Variants in SCAPER observed in about 807,000 individuals in gnomAD.
The protein encoded by SCAPER is S-phase cyclin A associated protein in the ER, also known as S phase cyclin A-associated protein in the endoplasmic reticulum.
In SCAPER, 98 loss-of-function variants were observed where a neutral mutation model predicts 182.2. That is an observed-to-expected ratio of 0.54 (90% CI 0.46 to 0.64). The LOEUF (loss-of-function observed/expected upper bound fraction) is 0.64. Ranked by LOEUF, SCAPER falls within the 30% of genes least tolerant of loss-of-function variation. The probability of loss-of-function intolerance (pLI) is 0.00; values close to 1 mark genes in which losing one functional copy is unlikely to be tolerated. For missense variants in SCAPER, 1,432 were observed against 1,690.0 expected (o/e 0.85, Z 2.68); for synonymous variants, 605 against 564.6 (o/e 1.07, Z -1.01).
chr15:76,393,179 T>C (rs538346231), intron 27 of SCAPER, among the ~76,000 whole-genome samples: 1 of 152,344 alleles, frequency 6.6e-6, no homozygotes, highest in South Asian at 2.1e-4. Flanking sequence ...TGCTTCTGTA[T>C]TCTTCCCATT....
chr15:76,832,224 G>A (rs554536881), intron 5 of SCAPER, among the ~76,000 whole-genome samples: 26 of 152,244 alleles, frequency 1.7e-4, no homozygotes, highest in Admixed American at 1.6e-3. Flanking sequence ...GAAAACCAAC[G>A]CAAGGTAAAC....
At chr15:76,377,352 TG>T (rs1404250060) in intron 28 of SCAPER, among the ~76,000 whole-genome samples, 1 of 151,828 alleles carries the variant, frequency 6.6e-6, no homozygotes, top group Non-Finnish European at 1.5e-5. Context: ...AGAAGGACTT[TG>T]CTCCTTTAAA....
At chr15:76,830,812 T>C (rs2068402819) in intron 5 of SCAPER, among the ~76,000 whole-genome samples, 1 of 150,096 alleles carries the variant, frequency 6.7e-6, no homozygotes. Context: ...TCAAGTAGAC[T>C]GGCACACTCC....
At chr15:76,447,616 A>T (rs2048088218) in intron 25 of SCAPER, among the ~76,000 whole-genome samples, 1 of 152,218 alleles carries the variant, frequency 6.6e-6, no homozygotes, top group Admixed American at 6.5e-5. Flanking sequence ...TGAGGTCACA[A>T]ACTCATTTTG....
chr15:76,686,463 T>C (rs1190901340), intron 20 of SCAPER, among the ~76,000 whole-genome samples: 1 of 151,974 alleles, frequency 6.6e-6, no homozygotes. Context: ...CTGGTAAGAG[T>C]GCAAATTGGT....
intron 22 of SCAPER, among the ~76,000 whole-genome samples, chr15:76,577,305 G>C (rs953798181): frequency 1.3e-5 from 2 of 152,056 alleles, no homozygotes; most frequent in African/African-American, 4.8e-5. Context: ...AAATTAGCTG[G>C]GTGTGGTGGC....
intron 21 of SCAPER, among the ~76,000 whole-genome samples, chr15:76,626,160 T>C (rs2052554052): frequency 1.3e-5 from 2 of 152,172 alleles, no homozygotes; most frequent in Admixed American, 6.5e-5. Context: ...CCAATATTCT[T>C]AGATGATCTG....
chr15:76,813,320 G>A (rs1469989608), intron 5 of SCAPER, among the ~76,000 whole-genome samples: 6 of 139,216 alleles, frequency 4.3e-5, no homozygotes, highest in Admixed American at 7.2e-5. Context: ...TATGAAAAAC[G>A]AACAGCTAAC....
intron 25 of SCAPER, among the ~76,000 whole-genome samples, chr15:76,435,025 C>T (rs1311871363): frequency 6.6e-6 from 1 of 152,174 alleles, no homozygotes; most frequent in Non-Finnish European, 1.5e-5. Flanking sequence ...TTGGTGACAA[C>T]CAGCCTTTGC....
chr15:76,487,717 T>C (rs1194880635), intron 24 of SCAPER, among the ~76,000 whole-genome samples: 2 of 152,166 alleles, frequency 1.3e-5, no homozygotes, highest in East Asian at 1.9e-4. Context: ...ACCTCTAGGA[T>C]TTAGATATAT....
chr15:76,518,880 T>C (rs191890469), intron 23 of SCAPER, among the ~76,000 whole-genome samples: 1 of 152,366 alleles, frequency 6.6e-6, no homozygotes, highest in East Asian at 1.9e-4. Context: ...TTTCAGAATA[T>C]CTGTTCTTCT....
intron 17 of SCAPER, among the ~76,000 whole-genome samples, chr15:76,716,974 C>T (rs280006): frequency 0.88 from 133,898 of 151,960 alleles, 59,500 homozygotes; most frequent in East Asian, 0.96. Flanking sequence ...CCAAGGTACA[C>T]TATAATCAAA....
In SCAPER at chr15:76,765,370, A is replaced by G; in HGVS notation, c.1580T>C (p.Met527Thr). Residue 527 changes from methionine to threonine, a missense_variant, in exon 13 of 32, where the codon ATG becomes ACG. Around this residue, in one of 5 missense-constraint regions of SCAPER, gnomAD observed 128 missense variants for 149.9 expected, o/e 0.85. Coordinates refer to ENST00000563290, the MANE Select transcript of SCAPER (RefSeq NM_020843.4). ...AGAGGGTGAAGAAAGTTTTTCATGCATGTGAATTCCATGCCCTGGAGGTCT... is the reference window on the plus strand; with the variant it reads ...AGAGGGTGAAGAAAGTTTTTCATGCGTGTGAATTCCATGCCCTGGAGGTCT... ...PARPPGHGIH[M>T]HEKLSSPSRK... 1 of 1,613,564 alleles carries G rather than the reference A, an allele frequency of 6.2e-7. No homozygotes were observed. The highest frequency in any genetic ancestry group is 8.5e-7 in the Non-Finnish European group (1 of 1,179,740).
chr15:76,696,008 A>T (rs1213609991), intron 20 of SCAPER, among the ~76,000 whole-genome samples: 1 of 152,238 alleles, frequency 6.6e-6, no homozygotes, highest in Non-Finnish European at 1.5e-5. Flanking sequence ...ATTTTAAATT[A>T]CTTCTAGTTT....
intron 8 of SCAPER, among the ~76,000 whole-genome samples, chr15:76,790,104 G>A (rs1424504331): frequency 4.6e-5 from 7 of 151,972 alleles, no homozygotes; most frequent in East Asian, 1.9e-4. Flanking sequence ...GGTGGCGGGC[G>A]CCTGTAATCC....
rs373938251 is a variant in SCAPER, at chr15:76,676,104, C to T, written c.2509-10315G>A. Among the ~76,000 whole-genome samples the T allele has an allele frequency of 4.6e-5, 7 of 152,306 alleles. No individual in the cohort carries two copies. In the East Asian group the frequency reaches 1.4e-3, roughly 29 times the overall value. Reference sequence around the variant, plus strand: ...CCTTCCAAAGTGCCGAGATTACAGGCGTGAGCCACTGTGCCCGGCTGAAAC... The same window carrying T: ...CCTTCCAAAGTGCCGAGATTACAGGTGTGAGCCACTGTGCCCGGCTGAAAC... On this transcript the variant is annotated intron_variant, in intron 20 of 31. Transcript: ENST00000563290.
intron 25 of SCAPER, among the ~76,000 whole-genome samples, chr15:76,465,784 A>G (rs2049561500): frequency 6.6e-6 from 1 of 152,050 alleles, no homozygotes; most frequent in Non-Finnish European, 1.5e-5. Flanking sequence ...ATTCTTTTGC[A>G]TGTGGATATC....
At chr15:76,704,424 T>A (rs1020371843) in intron 18 of SCAPER, among the ~76,000 whole-genome samples, 1 of 152,236 alleles carries the variant, frequency 6.6e-6, no homozygotes, top group African/African-American at 2.4e-5. Flanking sequence ...TGGTAATGCC[T>A]AGGTTTTCTT....
intron 23 of SCAPER, among the ~76,000 whole-genome samples, chr15:76,550,417 T>C (rs984794119): frequency 6.6e-6 from 1 of 152,186 alleles, no homozygotes; most frequent in Non-Finnish European, 1.5e-5. Flanking sequence ...ACTGCTCAGC[T>C]TCCACTTATA....
Sources: allele counts gnomAD v4.1 joint callset (sites outside exome capture counted in the v4.1 genomes callset), GRCh38; gene constraint gnomAD v4.1.1; regional missense constraint gnomAD v4.1.1; transcripts MANE v1.5; gene names NCBI Gene and HGNC (gene_info 2026-07-23, HGNC 2026-07-21).